Variants in PRPF4 observed in about 807,000 individuals in gnomAD.
PRPF4 encodes pre-mRNA splicing tri-snRNP complex factor PRPF4.
PRPF4 carries 14 observed loss-of-function variants against 72.2 expected under a neutral mutation model. That is an observed-to-expected ratio of 0.19 (90% CI 0.13 to 0.30). The LOEUF is 0.30. Among genes scored for constraint, PRPF4 ranks in the 10% least tolerant of loss-of-function variants. The pLI, the probability that PRPF4 is intolerant of heterozygous loss-of-function variation, is 1.00. For missense variants in PRPF4, 478 were observed against 653.9 expected, an observed-to-expected ratio of 0.73 and a Z score of 2.93; for synonymous variants, 225 against 232.2, an observed-to-expected ratio of 0.97 and a Z score of 0.28.
chr9:113,283,452 C>G lies in PRPF4; in HGVS notation c.624C>G (p.Ser208=), dbSNP rs267602090. 11 of 1,613,970 alleles carry G rather than the reference C, an allele frequency of 6.8e-6. No individual in the cohort carries two copies. The highest frequency in any genetic ancestry group is 6.7e-5 in the African/African-American group (5 of 74,904). Residue 208 remains serine (S), a synonymous_variant, in exon 6 of 14, where the codon TCC becomes TCG. Coordinates refer to ENST00000374198, the MANE Select transcript of PRPF4 (RefSeq NM_001244926.2). The part of the protein sequence containing the change: ...HKEIPETTRT[S]QMQELHKSLR... ...AGATTCCTGAGACAACAAGGACCTC[C>G]CAGATGCAAGAGCTGCACAAGTCTC...
At chr9:113,286,122 T>C in intron 7 of PRPF4, 110 bp from the exon 8 acceptor site, 1 of 1,220,328 alleles carries the variant, frequency 8.2e-7, no homozygotes, top group Non-Finnish European at 1.2e-6. Context: ...CTGTCAGCCA[T>C]TGTAAAGTTT....
At chr9:113,284,703 T>C (rs1025971446) in intron 7 of PRPF4, among the ~76,000 whole-genome samples, 1 of 152,208 alleles carries the variant, frequency 6.6e-6, no homozygotes, top group African/African-American at 2.4e-5. Flanking sequence ...TCAGTCTGGC[T>C]TTTCTTTTTC....
At chr9:113,282,545 G>T (rs752213481) in intron 3 of PRPF4, 101 bp from the exon 4 acceptor site, 1 of 874,016 alleles carries the variant, frequency 1.1e-6, no homozygotes, top group African/African-American at 1.7e-5. Context: ...CATCTTAGGG[G>T]AACTTTAATA....
At chr9:113,283,551 G>A (rs1420671432) in intron 6 of PRPF4, 69 bp downstream of exon 6, 1 of 1,545,552 alleles carries the variant, frequency 6.5e-7, no homozygotes. Flanking sequence ...TTCTACTTTG[G>A]CTCACCTCTG....
Position 113,279,135 on chromosome 9 carries a change from G to T in PRPF4, c.392+4G>T, listed in dbSNP as rs754160412. ...GTCCTGCTGAAAGAAGAGAAAGGTTGCCTTTCTAAATATTTACTTTTTTTC... is the reference window on the plus strand; with the variant it reads ...GTCCTGCTGAAAGAAGAGAAAGGTTTCCTTTCTAAATATTTACTTTTTTTC... On this transcript the variant is annotated splice_donor_region_variant and intron_variant, in intron 3 of 13. Coordinates refer to ENST00000374198, the MANE Select transcript of PRPF4 (RefSeq NM_001244926.2). 1 of 1,597,780 alleles carries T rather than the reference G, an allele frequency of 6.3e-7. No individual in the cohort carries two copies. Among genetic ancestry groups the T allele is most frequent in the Middle Eastern group, 1.7e-4 (1 of 5,988 alleles).
At chr9:113,282,777 G>T (rs1170213863) in intron 4 of PRPF4, 44 bp downstream of exon 4, 3 of 1,437,244 alleles carry the variant, frequency 2.1e-6, no homozygotes, top group Non-Finnish European at 2.9e-6. Context: ...TGAAGGAAAT[G>T]AGGGGATAGG....
chr9:113,286,352 A>G lies in PRPF4; in HGVS notation c.808+62A>G, dbSNP rs1046743122. 3 of 1,451,314 alleles carry G rather than the reference A, an allele frequency of 2.1e-6. No individual in the cohort carries two copies. In the African/African-American group the frequency reaches 4.2e-5, roughly 20 times the overall value. The allele number at this position is 1,451,314 out of a possible 1,614,324, so 89.9% of individuals were successfully genotyped here. A position where few individuals can be genotyped will look rare whatever the true frequency, so the allele number is the denominator to read the frequency against. On this transcript the variant is annotated intron_variant, in intron 8 of 13. Transcript: ENST00000374198. ...CCAGTGTGAACTCAGTTAAGCCTTAAACTCTGCTTGACACTCAGACCCCAT... is the reference window on the plus strand; with the variant it reads ...CCAGTGTGAACTCAGTTAAGCCTTAGACTCTGCTTGACACTCAGACCCCAT...
Position 113,275,685 on chromosome 9 carries a change from G to A in PRPF4, c.-59G>A. ...ACTTCCCCTCTGCTGGGCGCGCGGT[G>A]GACGGTCTGAAAGGGAGTGTTCGGG... On this transcript the variant is annotated 5_prime_UTR_variant, in exon 1 of 14. Transcript: ENST00000374198. 1 of 1,574,792 alleles carries A rather than the reference G, an allele frequency of 6.4e-7. No individual in the cohort carries two copies. Among genetic ancestry groups the A allele is most frequent in the South Asian group, 1.1e-5 (1 of 87,270 alleles).
intron 10 of PRPF4, 119 bp from the exon 11 acceptor site, chr9:113,290,347 G>T: frequency 7.1e-7 from 1 of 1,401,784 alleles, no homozygotes; most frequent in Non-Finnish European, 9.9e-7. Flanking sequence ...TGTTAATATG[G>T]TTATATGAAT....
chr9:113,291,666 A>C lies in PRPF4; in HGVS notation c.*6A>C. On this transcript the variant is annotated 3_prime_UTR_variant, in exon 14 of 14. Transcript: ENST00000374198. Reference sequence around the variant, plus strand: ...AGCTGTGGATGGCTGAATAGATGACAATGGGAAAAGGACTTGAACCTCAAG... The same window carrying C: ...AGCTGTGGATGGCTGAATAGATGACCATGGGAAAAGGACTTGAACCTCAAG... 6.2e-7 allele frequency: 1 copy of C among 1,613,570 alleles called. No individual in the cohort carries two copies. The highest frequency in any genetic ancestry group is 8.5e-7 in the Non-Finnish European group (1 of 1,179,546).
rs1216996421 is a variant in PRPF4 at position 113,291,626 on chromosome 9, A to G, written c.1532A>G (p.Tyr511Cys). Residue 511 changes from tyrosine to cysteine, a missense_variant, in exon 14 of 14, where the codon TAT becomes TGT. By Grantham distance (194) the Tyr-to-Cys change is radical. Coordinates refer to ENST00000374198, the MANE Select transcript of PRPF4 (RefSeq NM_001244926.2). ...SDGQLIATCS[Y>C]DRTFKLWMAE ...GGGCAGCTCATAGCCACTTGCTCAT[A>G]TGACAGGACCTTCAAGCTGTGGATG... is the stretch of plus-strand genomic sequence containing the variant. 1 of 1,614,084 alleles carries G rather than the reference A, an allele frequency of 6.2e-7. No homozygotes were observed. The highest frequency in any genetic ancestry group is 8.5e-7 in the Non-Finnish European group (1 of 1,180,046).
In PRPF4 at chr9:113,275,721, G is replaced by A; in HGVS notation, c.-23G>A. Reference sequence around the variant, plus strand: ...AAGGGAGTGTTCGGGTTTCGCTGGGGCCTCGCGGCTCCAGAGCCCAGCATG... The same window carrying A: ...AAGGGAGTGTTCGGGTTTCGCTGGGACCTCGCGGCTCCAGAGCCCAGCATG... On this transcript the variant is annotated 5_prime_UTR_variant, in exon 1 of 14. Transcript: ENST00000374198. The A allele has an allele frequency of 6.2e-7, 1 of 1,608,566 alleles. No homozygotes were observed. Among genetic ancestry groups the A allele is most frequent in the Non-Finnish European group, 8.5e-7 (1 of 1,177,372 alleles).
chr9:113,282,692 A>G lies in PRPF4; in HGVS notation c.439A>G (p.Thr147Ala). Reference sequence around the variant, plus strand: ...TGTCGGTACTGATGCCTTGAAAAAGACCAAAAAGGATGATGAGAAGTCTAA... The same window carrying G: ...TGTCGGTACTGATGCCTTGAAAAAGGCCAAAAAGGATGATGAGAAGTCTAA... ...SVVGTDALKK[T>A]KKDDEKSKKS... Residue 147 changes from threonine (T) to alanine (A), a missense_variant, in exon 4 of 14, where the codon ACC becomes GCC. Physicochemically the swap from Thr to Ala is moderately conservative, Grantham distance 58. Coordinates refer to ENST00000374198, the MANE Select transcript of PRPF4 (RefSeq NM_001244926.2). The G allele has an allele frequency of 1.2e-6, 2 of 1,612,302 alleles. No homozygotes were observed. The highest frequency in any genetic ancestry group is 1.7e-6 in the Non-Finnish European group (2 of 1,178,880).
chr9:113,286,905 T>G (rs1450678114), intron 9 of PRPF4, 77 bp downstream of exon 9: 1 of 1,604,336 alleles, frequency 6.2e-7, no homozygotes, highest in Non-Finnish European at 8.5e-7. Context: ...AGGACCTCAG[T>G]AAAAATCTGG....
intron 5 of PRPF4, 38 bp from the exon 6 acceptor site, chr9:113,283,351 A>G (rs1386955885): frequency 6.2e-7 from 1 of 1,613,750 alleles, no homozygotes; most frequent in Admixed American, 1.7e-5. Flanking sequence ...CTTGTTTACA[A>G]CCCTGTTGCT....
chr9:113,276,146 G>C (rs936477123), intron 1 of PRPF4, among the ~76,000 whole-genome samples: 1 of 152,210 alleles, frequency 6.6e-6, no homozygotes, highest in Non-Finnish European at 1.5e-5. Flanking sequence ...GTATACACTT[G>C]TAATGTTGTA....
chr9:113,291,566 A>G lies in PRPF4; in HGVS notation c.1472A>G (p.Glu491Gly), dbSNP rs1230772004. 6.2e-7 allele frequency: 1 copy of G among 1,614,132 alleles called. No individual in the cohort carries two copies. Among genetic ancestry groups the G allele is most frequent in the Non-Finnish European group, 8.5e-7 (1 of 1,180,032 alleles). ...WSPLKTLAGHEGKVMGLDISS... is the reference protein window; with the variant it reads ...WSPLKTLAGHGGKVMGLDISS... Reference sequence around the variant, plus strand: ...CCGCTGAAGACTCTGGCTGGCCACGAAGGCAAAGTGATGGGCCTAGATATT... The same window carrying G: ...CCGCTGAAGACTCTGGCTGGCCACGGAGGCAAAGTGATGGGCCTAGATATT... Residue 491 changes from glutamate (E) to glycine (G), a missense_variant, in exon 14 of 14, where the codon GAA becomes GGA. Coordinates refer to ENST00000374198, the MANE Select transcript of PRPF4 (RefSeq NM_001244926.2).
chr9:113,278,052 A>G (rs1832165940), intron 2 of PRPF4, among the ~76,000 whole-genome samples: 1 of 152,238 alleles, frequency 6.6e-6, no homozygotes, highest in East Asian at 1.9e-4. Context: ...GTATTTTTAA[A>G]ATTAATTGAT....
rs973057960 is a variant in PRPF4 at position 113,276,663 on chromosome 9, G to A, written c.143G>A (p.Gly48Glu). The A allele has an allele frequency of 1.2e-6, 2 of 1,613,926 alleles. No homozygotes were observed. Among genetic ancestry groups the A allele is most frequent in the Non-Finnish European group, 1.7e-6 (2 of 1,180,028 alleles). ...ERERLAKGES[G>E]ILGKDGLKAG... Reference sequence around the variant, plus strand: ...GAGCGTCTGGCCAAAGGAGAGTCTGGGATTTTGGGGAAAGACGGACTTAAA... The same window carrying A: ...GAGCGTCTGGCCAAAGGAGAGTCTGAGATTTTGGGGAAAGACGGACTTAAA... Residue 48 changes from glycine (G) to glutamate (E), a missense_variant, in exon 2 of 14, where the codon GGG becomes GAG. Physicochemically the swap from Gly to Glu is moderately conservative, Grantham distance 98. Transcript: ENST00000374198.
Sources: allele counts gnomAD v4.1 joint callset (sites outside exome capture counted in the v4.1 genomes callset), GRCh38; gene constraint gnomAD v4.1.1; transcripts MANE v1.5; gene names NCBI Gene and HGNC (gene_info 2026-07-23, HGNC 2026-07-21).